CSMD1: variants seen among roughly 807,000 people sequenced by gnomAD.
CSMD1 encodes the protein CUB and Sushi multiple domains 1, also known as CUB and sushi domain-containing protein 1.
CSMD1 carries 213 observed loss-of-function variants against 417.5 expected under a neutral mutation model. That is an observed-to-expected ratio of 0.51 (90% confidence interval 0.46 to 0.57). The LOEUF (loss-of-function observed/expected upper bound fraction) is 0.57, where lower values mean the gene tolerates loss of function less well. Ranked by LOEUF, CSMD1 falls within the 20% of genes least tolerant of loss-of-function variation. The pLI, the probability that CSMD1 is intolerant of heterozygous loss-of-function variation, is 0.00. For missense variants in CSMD1, 6,923 were observed against 4,529.7 expected (o/e 1.53, Z -15.17); for synonymous variants, 2,862 against 1,736.8 (o/e 1.65, Z -16.11).
intron 26 of CSMD1, among the ~76,000 whole-genome samples, chr8:3,255,670 G>A (rs574662332): frequency 3.3e-5 from 5 of 152,370 alleles, no homozygotes; most frequent in Admixed American, 2.6e-4. Context: ...TCTGAGCCAT[G>A]CACGGGATAT....
intron 23 of CSMD1, among the ~76,000 whole-genome samples, chr8:3,324,094 G>C (rs1806341452): frequency 6.7e-6 from 1 of 149,436 alleles, no homozygotes; most frequent in Non-Finnish European, 1.5e-5. Context: ...ACCCAGGTGG[G>C]GGAGTTTCCT....
chr8:3,528,198 G>T (rs761893049), intron 10 of CSMD1, among the ~76,000 whole-genome samples: 8 of 152,184 alleles, frequency 5.3e-5, no homozygotes, highest in African/African-American at 9.6e-5. Flanking sequence ...GTTTGATTTT[G>T]TTGCACAAAT....
intron 3 of CSMD1, among the ~76,000 whole-genome samples, chr8:4,301,447 T>C (rs1797976885): frequency 6.6e-6 from 1 of 152,188 alleles, no homozygotes; most frequent in Non-Finnish European, 1.5e-5. Flanking sequence ...CTGTAACAAC[T>C]CTTCAGAGAC....
intron 2 of CSMD1, among the ~76,000 whole-genome samples, chr8:4,447,662 T>C (rs968515297): frequency 1.3e-5 from 2 of 152,166 alleles, no homozygotes; most frequent in Admixed American, 1.3e-4. Flanking sequence ...GAAGGAATGG[T>C]TTCCACACTC....
At chr8:3,754,075 T>A (rs758513099) in intron 5 of CSMD1, 33 bp from the exon 6 acceptor site, 2 of 1,463,540 alleles carry the variant, frequency 1.4e-6, no homozygotes, top group South Asian at 2.3e-5. Flanking sequence ...AAATCTCCCT[T>A]GTAAACCAAC....
At chr8:4,687,352 T>G (rs1405707517) in intron 1 of CSMD1, among the ~76,000 whole-genome samples, 7 of 152,262 alleles carry the variant, frequency 4.6e-5, no homozygotes, top group African/African-American at 1.7e-4. Flanking sequence ...CGAACAGGAC[T>G]AAAGTACATT....
chr8:4,041,123 T>C (rs1046841062), intron 3 of CSMD1, among the ~76,000 whole-genome samples: 6 of 150,956 alleles, frequency 4.0e-5, no homozygotes. Flanking sequence ...TTCCCGCCAT[T>C]CTCCTGCCTC....
intron 2 of CSMD1, among the ~76,000 whole-genome samples, chr8:4,524,316 GGTA>G (rs1323307322): frequency 6.6e-6 from 1 of 151,174 alleles, no homozygotes; most frequent in Non-Finnish European, 1.5e-5. Context: ...CTAGTAAAAA[GGTA>G]CTATTCTACT....
At chr8:3,164,073 C>G (rs1207485698) in intron 37 of CSMD1, among the ~76,000 whole-genome samples, 1 of 152,166 alleles carries the variant, frequency 6.6e-6, no homozygotes, top group East Asian at 1.9e-4. Flanking sequence ...AAATCCTTCA[C>G]CAGCTTGCCG....
At position 4,599,859 on chromosome 8, in the gene CSMD1, A is replaced by G. The variant is rs188648711; in HGVS notation, c.302+37483T>C. ...TATGCAAATGATCTCCAACTTAGAG[A>G]CAATTAAAGTTACATTCAAAGAGTT... On this transcript the variant is annotated intron_variant, in intron 2 of 69. Coordinates refer to ENST00000635120, the MANE Select transcript of CSMD1 (RefSeq NM_033225.6). 2.3e-4 allele frequency among the ~76,000 whole-genome samples: 35 copies of G among 152,326 alleles called. 1 individual carries two copies. The highest frequency in any genetic ancestry group is 7.7e-4 in the African/African-American group (32 of 41,576).
chr8:4,779,345 T>C (rs1797032508), intron 1 of CSMD1, among the ~76,000 whole-genome samples: 1 of 152,204 alleles, frequency 6.6e-6, no homozygotes, highest in Non-Finnish European at 1.5e-5. Context: ...TAACTCGAAC[T>C]GGCTCAAAGG....
chr8:3,821,077 T>G (rs1801710588), intron 5 of CSMD1, among the ~76,000 whole-genome samples: 2 of 151,912 alleles, frequency 1.3e-5, no homozygotes, highest in Non-Finnish European at 2.9e-5. Context: ...CCACCACACC[T>G]GGTTACTTTT....
At chr8:4,141,269 C>T (rs549257356) in intron 3 of CSMD1, among the ~76,000 whole-genome samples, 2 of 151,104 alleles carry the variant, frequency 1.3e-5, no homozygotes, top group South Asian at 2.1e-4. Flanking sequence ...GAAATTCCAG[C>T]GACCTTCAGG....
intron 2 of CSMD1, among the ~76,000 whole-genome samples, chr8:4,441,966 T>C (rs956181572): frequency 6.6e-6 from 1 of 152,222 alleles, no homozygotes; most frequent in African/African-American, 2.4e-5. Flanking sequence ...AGGGGCCAAA[T>C]GTTCCGAAAA....
chr8:3,597,452 A>G (rs1801148769), intron 8 of CSMD1, among the ~76,000 whole-genome samples: 1 of 148,692 alleles, frequency 6.7e-6, no homozygotes, highest in South Asian at 2.1e-4. Flanking sequence ...AGACCTAGAG[A>G]AGTTATTTTC....
rs529588111 is a variant in CSMD1 at position 4,140,873 on chromosome 8, G to T, written c.416-108774C>A. Among the ~76,000 whole-genome samples, 169 of 151,184 alleles carry T rather than the reference G, an allele frequency of 1.1e-3. 16 individuals are homozygous for T. The highest frequency in any genetic ancestry group is 0.01 in the Middle Eastern group (3 of 294). On this transcript the variant is annotated intron_variant, in intron 3 of 69. Coordinates refer to ENST00000635120, the MANE Select transcript of CSMD1 (RefSeq NM_033225.6). Reference sequence around the variant, plus strand: ...TCTCTGCCCAAGAGGGCATTTGGGAGATTGCTGATCGCCAATGCACAGGCT... The same window carrying T: ...TCTCTGCCCAAGAGGGCATTTGGGATATTGCTGATCGCCAATGCACAGGCT...
intron 3 of CSMD1, among the ~76,000 whole-genome samples, chr8:4,416,987 A>C (rs141162616): frequency 7.2e-5 from 11 of 152,206 alleles, no homozygotes; most frequent in African/African-American, 2.6e-4. Context: ...ACAGCTATGC[A>C]ACTATGTTGG....
chr8:3,760,409 C>G (rs767180615), intron 5 of CSMD1, among the ~76,000 whole-genome samples: 21 of 152,202 alleles, frequency 1.4e-4, no homozygotes, highest in Non-Finnish European at 2.8e-4. Flanking sequence ...TTACGACGAC[C>G]TCCTTTGAGC....
At chr8:3,488,920 G>C (rs1199906838) in intron 11 of CSMD1, among the ~76,000 whole-genome samples, 1 of 151,606 alleles carries the variant, frequency 6.6e-6, no homozygotes, top group Non-Finnish European at 1.5e-5. Context: ...CATGTTTTCT[G>C]ATTTTTTTAA....
Sources: allele counts gnomAD v4.1 joint callset (sites outside exome capture counted in the v4.1 genomes callset), GRCh38; gene constraint gnomAD v4.1.1; transcripts MANE v1.5; gene names NCBI Gene and HGNC (gene_info 2026-07-23, HGNC 2026-07-21).